LRRC4B: variants seen among roughly 807,000 people sequenced by gnomAD.
The protein encoded by LRRC4B is leucine rich repeat containing 4B.
In LRRC4B, 1 loss-of-function variant was observed where a neutral mutation model predicts 7.3. That is an observed-to-expected ratio of 0.14 (90% CI 0.05 to 0.65). The LOEUF is 0.65. LRRC4B is among the 30% of genes least tolerant of loss of function. The probability of loss-of-function intolerance (pLI) is 0.84; values close to 1 mark genes in which losing one functional copy is unlikely to be tolerated. For synonymous variants in LRRC4B, 500 were observed against 499.2 expected (o/e 1.00, Z -0.02); for missense variants, 730 against 1,041.6 (o/e 0.70, Z 4.12).
At chr19:50,533,679 G>C (rs10412798) in intron 2 of LRRC4B, among the ~76,000 whole-genome samples, 31,450 of 152,190 alleles carry the variant, frequency 0.21, 3,865 homozygotes, top group African/African-American at 0.34. Context: ...GTAAAAGGGG[G>C]GGAATCATAA....
rs1209224915 is a variant in LRRC4B, at chr19:50,537,361, C to T, written c.297+11181G>A. 6.6e-6 allele frequency among the ~76,000 whole-genome samples: 1 copy of T among 152,150 alleles called. No individual in the cohort carries two copies. ...TGAAATTCACTGACCCTGTAAAGGGCTTGGAGCAATGCTGGGGGCCCGACT... is the reference window on the plus strand; with the variant it reads ...TGAAATTCACTGACCCTGTAAAGGGTTTGGAGCAATGCTGGGGGCCCGACT... On this transcript the variant is annotated intron_variant, in intron 2 of 2. Transcript: ENST00000652263. This position sits in a 1 kb window ranked among gnomAD's most constrained non-coding sequence, Gnocchi z 5.5.
intron 2 of LRRC4B, among the ~76,000 whole-genome samples, chr19:50,522,182 A>G (rs891858389): frequency 2.0e-5 from 3 of 152,100 alleles, no homozygotes; most frequent in East Asian, 3.9e-4. Flanking sequence ...CGTCCCCAAA[A>G]TAAATAAATA....
rs539542844 is a variant in LRRC4B, at chr19:50,541,141, G to A, written c.297+7401C>T. 1.4e-4 allele frequency among the ~76,000 whole-genome samples: 21 copies of A among 145,742 alleles called. No individual in the cohort carries two copies. The South Asian group carries it at 3.4e-3, about 23-fold the overall frequency. ...GGAGCTTGCAGTGAGCCGAGATGGC[G>A]CTACTGCACTCCAGCCTGGGCGAAA... is the stretch of plus-strand genomic sequence containing the variant. On this transcript the variant is annotated intron_variant, in intron 2 of 2. Coordinates refer to ENST00000652263, the MANE Select transcript of LRRC4B (RefSeq NM_001080457.2).
chr19:50,555,142 G>C lies in LRRC4B; in HGVS notation c.-35-6269C>G, dbSNP rs979671861. 6.6e-6 allele frequency among the ~76,000 whole-genome samples: 1 copy of C among 152,210 alleles called. No homozygotes were observed. The highest frequency in any genetic ancestry group is 1.5e-5 in the Non-Finnish European group (1 of 68,042). ...GTGATGGGAAATACTGATTACATGT[G>C]GGTGCCATGCTATCCACTCCTCAAG... On this transcript the variant is annotated intron_variant, in intron 1 of 2. Coordinates refer to ENST00000652263, the MANE Select transcript of LRRC4B (RefSeq NM_001080457.2). The surrounding 1 kb of genome is among the most constrained non-coding windows in gnomAD (Gnocchi z 5.2).
At chr19:50,539,873 C>G (rs548604746) in intron 2 of LRRC4B, among the ~76,000 whole-genome samples, 57 of 141,112 alleles carry the variant, frequency 4.0e-4, no homozygotes, top group African/African-American at 1.6e-3. Flanking sequence ...GGGGACAGTG[C>G]GAGACTCCAT....
chr19:50,554,384 GGATGGCTAAGTCCCA>G (rs1317077529), intron 1 of LRRC4B, among the ~76,000 whole-genome samples: 3 of 152,002 alleles, frequency 2.0e-5, no homozygotes, highest in Non-Finnish European at 4.4e-5. Context: ...AGCACCACCC[GGATGGCTAAGTCCCA>G]GATACTACAC....
intron 1 of LRRC4B, among the ~76,000 whole-genome samples, chr19:50,552,754 ATCCACCCATCCATCCATCCATCCATCCG>A (rs1005323945): frequency 3.3e-5 from 5 of 151,438 alleles, no homozygotes; most frequent in African/African-American, 1.2e-4. Context: ...CCGCCCATCC[ATCCACCCATCCATCCATCCATCCATCCG>A]TCCACCCATC....
chr19:50,518,163 G>A lies in LRRC4B; in HGVS notation c.1550C>T (p.Thr517Met), dbSNP rs762762398. The change falls in exon 3 of 3, where the codon ACG becomes ATG. Residue 517 changes from threonine (T) to methionine (M), a missense_variant. Thr to Met is a moderately conservative substitution (Grantham distance 81, BLOSUM62 -1). This residue lies in a region of LRRC4B where 192 missense variants were observed against 228.6 expected (regional missense o/e 0.84). Coordinates refer to ENST00000652263, the MANE Select transcript of LRRC4B (RefSeq NM_001080457.2). Reference sequence around the variant, plus strand: ...GCCCCCACCCCAGACACCGTCTGTCGTGGGCCCTGGCGGTTCCTTCTCCGT... The same window carrying A: ...GCCCCCACCCCAGACACCGTCTGTCATGGGCCCTGGCGGTTCCTTCTCCGT... ...RGTEKEPPGPTTDGVWGGGRP... is the reference protein window; with the variant it reads ...RGTEKEPPGPMTDGVWGGGRP... 6.8e-6 allele frequency: 11 copies of A among 1,606,336 alleles called. No individual in the cohort carries two copies. Among genetic ancestry groups the A allele is most frequent in the African/African-American group, 1.3e-5 (1 of 74,850 alleles).
Position 50,537,164 on chromosome 19 carries a change from G to T in LRRC4B, c.297+11378C>A, listed in dbSNP as rs1211645910. Among the ~76,000 whole-genome samples, 1 of 152,152 alleles carries T rather than the reference G, an allele frequency of 6.6e-6. No individual in the cohort carries two copies. Among genetic ancestry groups the T allele is most frequent in the Non-Finnish European group, 1.5e-5 (1 of 68,028 alleles). On this transcript the variant is annotated intron_variant, in intron 2 of 2. Coordinates refer to ENST00000652263, the MANE Select transcript of LRRC4B (RefSeq NM_001080457.2). The surrounding 1 kb of genome is among the most constrained non-coding windows in gnomAD (Gnocchi z 5.5). ...ATAGCTACGAATTAGGAAGCATTAC[G>T]AATCGCGTTGAAAAAACCAAGTTCT... is the stretch of plus-strand genomic sequence containing the variant.
chr19:50,543,836 G>C (rs1190918328), intron 2 of LRRC4B, among the ~76,000 whole-genome samples: 2 of 128,058 alleles, frequency 1.6e-5, no homozygotes, highest in Non-Finnish European at 3.1e-5. Context: ...CTGGGTGACA[G>C]AGTGAGCCTC....
intron 2 of LRRC4B, among the ~76,000 whole-genome samples, chr19:50,524,094 A>T (rs1980699658): frequency 1.3e-5 from 2 of 152,188 alleles, no homozygotes; most frequent in Admixed American, 1.3e-4. Flanking sequence ...TACAGTAAGC[A>T]GGAATAAAAA....
intron 2 of LRRC4B, among the ~76,000 whole-genome samples, chr19:50,529,982 G>GC (rs1386076479): frequency 4.6e-5 from 7 of 151,120 alleles, no homozygotes; most frequent in Non-Finnish European, 1.0e-4. Context: ...TTCTCAGTGG[G>GC]CCCCCCCTAG....
At chr19:50,520,237 AAAAAAAAAAAGAAGAAAAG>A (rs1980510588) in intron 2 of LRRC4B, among the ~76,000 whole-genome samples, 6 of 65,036 alleles carry the variant, frequency 9.2e-5, no homozygotes, top group Admixed American at 2.1e-4. Flanking sequence ...AAAAAAAAAA[AAAAAAAAAAAGAAGAAAAG>A]AAAAGAAAAA....
At chr19:50,564,996 C>T (rs1348797927) in intron 1 of LRRC4B, among the ~76,000 whole-genome samples, 4 of 152,126 alleles carry the variant, frequency 2.6e-5, no homozygotes, top group Non-Finnish European at 5.9e-5. Context: ...GAGATGCCAG[C>T]GCCCTCTGAT....
At chr19:50,567,371 A>G (rs973417983) in intron 1 of LRRC4B, among the ~76,000 whole-genome samples, 1 of 151,574 alleles carries the variant, frequency 6.6e-6, no homozygotes, top group Admixed American at 6.6e-5. Context: ...TCACTCCCCA[A>G]TCACCCCCTC....
At chr19:50,531,697 G>C (rs1412105083) in intron 2 of LRRC4B, among the ~76,000 whole-genome samples, 1 of 152,106 alleles carries the variant, frequency 6.6e-6, no homozygotes, top group Non-Finnish European at 1.5e-5. Flanking sequence ...GTGGGGGATG[G>C]TTGAGGCTGG....
chr19:50,552,165 C>T (rs1287788811), intron 1 of LRRC4B, among the ~76,000 whole-genome samples: 1 of 151,958 alleles, frequency 6.6e-6, no homozygotes, highest in Non-Finnish European at 1.5e-5. Context: ...CCGGGCTGGG[C>T]CACCACTGAC....
chr19:50,533,047 G>C (rs1231602173), intron 2 of LRRC4B, among the ~76,000 whole-genome samples: 1 of 152,044 alleles, frequency 6.6e-6, no homozygotes. Flanking sequence ...CACCTTTCTT[G>C]TGTTTGTCAT....
intron 1 of LRRC4B, among the ~76,000 whole-genome samples, chr19:50,549,384 G>A (rs1018841050): frequency 1.3e-5 from 2 of 152,098 alleles, no homozygotes; most frequent in Non-Finnish European, 2.9e-5. Flanking sequence ...TGGGAGGTGG[G>A]TCCCAGCCTC....
Sources: gnomAD v4.1 joint callset for allele counts (sites outside exome capture counted in the v4.1 genomes callset) on GRCh38, gnomAD v4.1.1 for gene constraint, gnomAD v4.1.1 regional missense constraint, Gnocchi (gnomAD v3.1) non-coding constraint, MANE v1.5 for transcripts, NCBI Gene and HGNC (gene_info 2026-07-23, HGNC 2026-07-21) for gene names.